ULK4: variants seen among roughly 807,000 people sequenced by gnomAD.
The protein encoded by ULK4 is unc-51 like kinase 4, also known as inactive serine/threonine-protein kinase ULK4.
In ULK4, 133 loss-of-function variants were observed where a neutral mutation model predicts 160.6. The ratio of observed to expected loss-of-function variants is 0.83; its 90% confidence interval spans 0.72 to 0.96. ULK4 has a LOEUF of 0.96. Ranked by LOEUF, ULK4 falls within the 40% of genes least tolerant of loss-of-function variation. The probability of loss-of-function intolerance (pLI) is 0.00; values close to 1 mark genes in which losing one functional copy is unlikely to be tolerated. For missense variants in ULK4, 1,580 were observed against 1,499.5 expected (o/e 1.05, Z -0.89); for synonymous variants, 534 against 539.8 (o/e 0.99, Z 0.15).
At chr3:41,425,698 G>T (rs139525165) in intron 34 of ULK4, among the ~76,000 whole-genome samples, 6 of 152,098 alleles carry the variant, frequency 3.9e-5, no homozygotes, top group African/African-American at 1.4e-4. Context: ...AAGTTAAGGA[G>T]AAGTAAAATC....
At chr3:41,682,165 C>T (rs561578806) in intron 27 of ULK4, among the ~76,000 whole-genome samples, 1 of 151,958 alleles carries the variant, frequency 6.6e-6, no homozygotes, top group South Asian at 2.1e-4. Context: ...TTAACCTAAA[C>T]AACAATCAAA....
At chr3:41,889,479 A>G (rs1452807215) in intron 16 of ULK4, among the ~76,000 whole-genome samples, 2 of 152,198 alleles carry the variant, frequency 1.3e-5, no homozygotes, top group Admixed American at 6.5e-5. Flanking sequence ...AAGAGCAATA[A>G]AAGAAGAGAA....
At chr3:41,769,443 C>G (rs2039277945) in intron 21 of ULK4, among the ~76,000 whole-genome samples, 1 of 152,194 alleles carries the variant, frequency 6.6e-6, no homozygotes, top group South Asian at 2.1e-4. Context: ...GTCACTTCAG[C>G]TAGCAATCCA....
At chr3:41,510,310 C>T (rs2085527290) in intron 32 of ULK4, among the ~76,000 whole-genome samples, 2 of 152,164 alleles carry the variant, frequency 1.3e-5, no homozygotes, top group African/African-American at 4.8e-5. Context: ...GCACCTAATA[C>T]TGAAACTCCC....
intron 30 of ULK4, among the ~76,000 whole-genome samples, chr3:41,660,712 T>C (rs1170502703): frequency 6.6e-6 from 1 of 152,180 alleles, no homozygotes; most frequent in Non-Finnish European, 1.5e-5. Flanking sequence ...CTTTGGAGCC[T>C]CAGCCATAAC....
At chr3:41,447,460 C>T (rs1012703829) in intron 34 of ULK4, among the ~76,000 whole-genome samples, 1 of 151,886 alleles carries the variant, frequency 6.6e-6, no homozygotes, top group Non-Finnish European at 1.5e-5. Flanking sequence ...AACAAAATGC[C>T]ATTAAAAAAA....
intron 32 of ULK4, among the ~76,000 whole-genome samples, chr3:41,543,019 G>A (rs2086746849): frequency 6.6e-6 from 1 of 152,054 alleles, no homozygotes; most frequent in South Asian, 2.1e-4. Flanking sequence ...AAGGTTCAGA[G>A]AGCATAAAGA....
intron 29 of ULK4, among the ~76,000 whole-genome samples, chr3:41,668,885 A>T (rs924592755): frequency 6.6e-6 from 1 of 152,336 alleles, no homozygotes; most frequent in East Asian, 1.9e-4. Flanking sequence ...TTATACTCTT[A>T]AAGTTTTTAA....
chr3:41,592,215 G>C (rs1392811009), intron 31 of ULK4, among the ~76,000 whole-genome samples: 1 of 152,060 alleles, frequency 6.6e-6, no homozygotes, highest in Non-Finnish European at 1.5e-5. Context: ...CTAAATCACA[G>C]AAGATTCTGA....
chr3:41,574,034 T>C (rs1288889812), intron 31 of ULK4, among the ~76,000 whole-genome samples: 1 of 151,958 alleles, frequency 6.6e-6, no homozygotes, highest in Non-Finnish European at 1.5e-5. Flanking sequence ...AACACAAAAT[T>C]AGCCAGGAGC....
At chr3:41,260,929 C>T (rs1036353970) in intron 35 of ULK4, among the ~76,000 whole-genome samples, 4 of 152,238 alleles carry the variant, frequency 2.6e-5, no homozygotes, top group Non-Finnish European at 5.9e-5. Context: ...CCCAAGCATA[C>T]TGAGGCCTGA....
intron 35 of ULK4, among the ~76,000 whole-genome samples, chr3:41,312,422 G>C (rs1024547207): frequency 2.0e-5 from 3 of 152,106 alleles, no homozygotes; most frequent in Admixed American, 1.3e-4. Context: ...TACAGGTTTT[G>C]ATATCTAAAA....
intron 35 of ULK4, among the ~76,000 whole-genome samples, chr3:41,382,850 T>C (rs2081698938): frequency 6.6e-6 from 1 of 152,162 alleles, no homozygotes; most frequent in African/African-American, 2.4e-5. Context: ...GCCTATCTAC[T>C]TGGAAACAAT....
chr3:41,525,765 C>A (rs2086094228), intron 32 of ULK4, among the ~76,000 whole-genome samples: 1 of 152,218 alleles, frequency 6.6e-6, no homozygotes, highest in Non-Finnish European at 1.5e-5. Flanking sequence ...CATTGCTTTT[C>A]TATTTTTAAC....
In ULK4 at chr3:41,771,242, A is replaced by G. The variant is rs2039356650; in HGVS notation, c.2194-16754T>C. On this transcript the variant is annotated intron_variant, in intron 21 of 36. Coordinates refer to ENST00000301831, the MANE Select transcript of ULK4 (RefSeq NM_017886.4). ...CATTAAAATATGTGGTAATGTTCAA[A>G]AGTTAATTAGTTTAATAATCCAAAC... 3.3e-5 allele frequency among the ~76,000 whole-genome samples: 5 copies of G among 152,178 alleles called. No individual in the cohort carries two copies. The South Asian group carries it at 1.0e-3, about 32-fold the overall frequency.
intron 19 of ULK4, among the ~76,000 whole-genome samples, chr3:41,816,440 A>G (rs1434150878): frequency 6.6e-6 from 1 of 152,244 alleles, no homozygotes; most frequent in Non-Finnish European, 1.5e-5. Context: ...GCACTTTTCA[A>G]AACAGGAAGC....
At chr3:41,552,932 T>C (rs1219304735) in intron 32 of ULK4, among the ~76,000 whole-genome samples, 1 of 151,884 alleles carries the variant, frequency 6.6e-6, no homozygotes, top group Non-Finnish European at 1.5e-5. Flanking sequence ...AGAACTGAGA[T>C]CCCAGATATA....
intron 35 of ULK4, among the ~76,000 whole-genome samples, chr3:41,281,611 T>G (rs2079354551): frequency 6.6e-6 from 1 of 152,198 alleles, no homozygotes; most frequent in Non-Finnish European, 1.5e-5. Flanking sequence ...CTCTTCATGC[T>G]AAAAACTCTC....
intron 35 of ULK4, among the ~76,000 whole-genome samples, chr3:41,346,936 T>G (rs1053077666): frequency 6.6e-6 from 1 of 152,172 alleles, no homozygotes; most frequent in African/African-American, 2.4e-5. Flanking sequence ...GCTGATGAGC[T>G]TCAAACTTTT....
Sources: allele counts gnomAD v4.1 joint callset (sites outside exome capture counted in the v4.1 genomes callset), GRCh38; gene constraint gnomAD v4.1.1; transcripts MANE v1.5; gene names NCBI Gene and HGNC (gene_info 2026-07-23, HGNC 2026-07-21).